The following AHDC1 variants were observed in gnomAD, a reference collection of about 807,000 sequenced individuals.
AHDC1 encodes transcription factor Gibbin.
Under a neutral mutation model 87.9 loss-of-function variants are expected in AHDC1, and 7 were observed. The observed-to-expected ratio is 0.08, with a 90% CI of 0.05 to 0.15. AHDC1 has a LOEUF of 0.15. AHDC1 is among the 10% of genes least tolerant of loss of function. The probability of loss-of-function intolerance (pLI) is 1.00; values close to 1 mark genes in which losing one functional copy is unlikely to be tolerated. For synonymous variants in AHDC1, 1,051 were observed against 1,006.8 expected (o/e 1.04, Z -0.83); for missense variants, 1,841 against 2,253.2 (o/e 0.82, Z 3.70).
rs1292336494 is a variant in AHDC1, at chr1:27,548,421, C to T, written c.3695G>A (p.Gly1232Asp). ...SVLFQSSSKP[G>D]RGRRKKVDLF... ...GTCCACCTTCTTCCGCCGTCCACGG[C>T]CCGGCTTGGAGCTACTCTGAAAGAG... The change falls in exon 8 of 9, where the codon GGC (glycine) becomes GAC (aspartate). Residue 1232 changes from glycine (G) to aspartate (D), a missense_variant. Physicochemically the swap from Gly to Asp is moderately conservative, Grantham distance 94. Coordinates refer to ENST00000673934, the MANE Select transcript of AHDC1 (RefSeq NM_001371928.1). The T allele has an allele frequency of 1.2e-6, 2 of 1,611,460 alleles. No homozygotes were observed. Among genetic ancestry groups the T allele is most frequent in the South Asian group, 1.1e-5 (1 of 91,060 alleles).
In AHDC1 at chr1:27,591,427, T is replaced by C. The variant is rs533673031; in HGVS notation, c.-629+11970A>G. Among the ~76,000 whole-genome samples the C allele has an allele frequency of 4.9e-4, 75 of 152,336 alleles. 1 individual carries two copies. In the South Asian group the frequency reaches 0.015, roughly 31 times the overall value. On this transcript the variant is annotated intron_variant, in intron 3 of 8. Transcript: ENST00000673934. ...CCTCTCTGGGCCTCAGCCTTCCCAC[T>C]GCACAATGCAGAAAGTGGCTCAGAT...
chr1:27,588,509 T>C (rs1330506039), intron 3 of AHDC1, among the ~76,000 whole-genome samples: 1 of 152,288 alleles, frequency 6.6e-6, no homozygotes, highest in Admixed American at 6.5e-5. Context: ...GGGCCGGAGA[T>C]AGACGGGGAG....
intron 3 of AHDC1, among the ~76,000 whole-genome samples, chr1:27,574,145 C>T (rs566732280): frequency 6.6e-6 from 1 of 152,314 alleles, no homozygotes; most frequent in South Asian, 2.1e-4. Context: ...CAGAATTCCA[C>T]CAGCCTCACA....
intron 3 of AHDC1, among the ~76,000 whole-genome samples, chr1:27,603,081 G>A (rs1557717278): frequency 6.7e-6 from 1 of 150,328 alleles, no homozygotes; most frequent in African/African-American, 2.5e-5. Flanking sequence ...GCGCGCGGCA[G>A]CGCTGGGCGC....
intron 3 of AHDC1, among the ~76,000 whole-genome samples, chr1:27,577,814 G>T (rs2088800358): frequency 6.6e-6 from 1 of 152,148 alleles, no homozygotes; most frequent in Non-Finnish European, 1.5e-5. Context: ...GGTGACACTG[G>T]GATAAGGGAC....
At chr1:27,554,781 C>T (rs913123702) in intron 5 of AHDC1, among the ~76,000 whole-genome samples, 1 of 152,220 alleles carries the variant, frequency 6.6e-6, no homozygotes, top group Non-Finnish European at 1.5e-5. Context: ...AGGAAGACTG[C>T]AGAGCTGACT....
intron 3 of AHDC1, among the ~76,000 whole-genome samples, chr1:27,575,689 C>G (rs1469510154): frequency 6.6e-6 from 1 of 151,662 alleles, no homozygotes; most frequent in Non-Finnish European, 1.5e-5. Context: ...GGCCCCCACC[C>G]GGTCCAACCC....
chr1:27,602,344 C>T (rs1333243746), intron 3 of AHDC1, among the ~76,000 whole-genome samples: 4 of 152,204 alleles, frequency 2.6e-5, no homozygotes, highest in African/African-American at 9.6e-5. Context: ...CCAGCAAGGC[C>T]CACATCCTTC....
At position 27,590,030 on chromosome 1, in the gene AHDC1, G is replaced by T. The variant is rs1402133582; in HGVS notation, c.-629+13367C>A. Among the ~76,000 whole-genome samples, 1 of 152,162 alleles carries T rather than the reference G, an allele frequency of 6.6e-6. No homozygotes were observed. The highest frequency in any genetic ancestry group is 6.5e-5 in the Admixed American group (1 of 15,282). ...TGACTGGGCCTTAGAGGCCTGTCCTGGGCCCCCTGCCCCACCCACTGCTGA... is the reference window on the plus strand; with the variant it reads ...TGACTGGGCCTTAGAGGCCTGTCCTTGGCCCCCTGCCCCACCCACTGCTGA... On this transcript the variant is annotated intron_variant, in intron 3 of 8. Transcript: ENST00000673934. The surrounding 1 kb of genome is among the most constrained non-coding windows in gnomAD (Gnocchi z 5.4).
In AHDC1 at chr1:27,563,984, C is replaced by T. The variant is rs1463229982; in HGVS notation, c.-628-5101G>A. Among the ~76,000 whole-genome samples the T allele has an allele frequency of 6.6e-6, 1 of 152,096 alleles. No homozygotes were observed. Among genetic ancestry groups the T allele is most frequent in the Non-Finnish European group, 1.5e-5 (1 of 68,004 alleles). ...GCTTAGAGATCAGTGGGGAGTAGGG[C>T]GGTTAGGGGTTGCTATCACCATGTG... On this transcript the variant is annotated intron_variant, in intron 3 of 8. Transcript: ENST00000673934. The surrounding 1 kb of genome is among the most constrained non-coding windows in gnomAD (Gnocchi z 6.1).
At chr1:27,536,933 C>A (rs1283527655) in intron 8 of AHDC1, among the ~76,000 whole-genome samples, 1 of 151,832 alleles carries the variant, frequency 6.6e-6, no homozygotes, top group Non-Finnish European at 1.5e-5. Flanking sequence ...CTCAGCCCAG[C>A]AGGCGGCTCC....
chr1:27,569,812 G>A (rs1225003724), intron 3 of AHDC1, among the ~76,000 whole-genome samples: 3 of 152,094 alleles, frequency 2.0e-5, no homozygotes, highest in African/African-American at 4.8e-5. Context: ...TCCCTGACCC[G>A]ACAGGCCTGG....
At chr1:27,570,090 C>A (rs1320270657) in intron 3 of AHDC1, among the ~76,000 whole-genome samples, 1 of 151,868 alleles carries the variant, frequency 6.6e-6, no homozygotes, top group African/African-American at 2.4e-5. Context: ...CCTGGGCCCC[C>A]AGCGGGTCTC....
intron 3 of AHDC1, among the ~76,000 whole-genome samples, chr1:27,578,513 C>T (rs1012817056): frequency 2.6e-5 from 4 of 151,428 alleles, no homozygotes; most frequent in African/African-American, 4.8e-5. Context: ...CGCTTCAACT[C>T]GGGAGGTGGA....
chr1:27,570,254 G>A (rs1279129403), intron 3 of AHDC1, among the ~76,000 whole-genome samples: 1 of 152,032 alleles, frequency 6.6e-6, no homozygotes, highest in East Asian at 1.9e-4. Flanking sequence ...AATGACCTGG[G>A]CTATTTTCGC....
At chr1:27,545,852 G>T (rs898729899) in intron 8 of AHDC1, among the ~76,000 whole-genome samples, 5 of 152,206 alleles carry the variant, frequency 3.3e-5, no homozygotes, top group African/African-American at 1.2e-4. Flanking sequence ...CTGAGGCCCA[G>T]AGAGGGGCAA....
intron 3 of AHDC1, among the ~76,000 whole-genome samples, chr1:27,559,930 C>A (rs2019993230): frequency 6.6e-6 from 1 of 152,192 alleles, no homozygotes; most frequent in Non-Finnish European, 1.5e-5. Context: ...GCATATCTGT[C>A]AAGGCTCAGC....
At chr1:27,546,131 G>C (rs779782093) in intron 8 of AHDC1, among the ~76,000 whole-genome samples, 9 of 152,216 alleles carry the variant, frequency 5.9e-5, no homozygotes, top group Non-Finnish European at 1.0e-4. Context: ...TTCAGTGGCA[G>C]CAGAGGTGAA....
At chr1:27,603,703 G>GCC (rs1358090730) in intron 2 of AHDC1, 25 bp downstream of exon 2, 1 of 18,432 alleles carries the variant, frequency 5.4e-5, no homozygotes, top group African/African-American at 2.4e-4. Flanking sequence ...GGACACCCCC[G>GCC]CCCCCACCCC....
Sources: gnomAD v4.1 joint callset for allele counts (sites outside exome capture counted in the v4.1 genomes callset) on GRCh38, gnomAD v4.1.1 for gene constraint, Gnocchi (gnomAD v3.1) non-coding constraint, MANE v1.5 for transcripts, NCBI Gene and HGNC (gene_info 2026-07-23, HGNC 2026-07-21) for gene names.